Variants in PELI2 observed in about 807,000 individuals in gnomAD.
The protein encoded by PELI2 is E3 ubiquitin-protein ligase pellino homolog 2.
Under a neutral mutation model 42.3 loss-of-function variants are expected in PELI2, and 23 were observed. The observed-to-expected ratio is 0.54, with a 90% CI of 0.39 to 0.77. PELI2 has a LOEUF of 0.77. Among genes scored for constraint, PELI2 ranks in the 30% least tolerant of loss-of-function variants. The pLI, the probability that PELI2 is intolerant of heterozygous loss-of-function variation, is 0.00. For missense variants in PELI2, 463 were observed against 553.2 expected (o/e 0.84, Z 1.64); for synonymous variants, 245 against 212.2 (o/e 1.15, Z -1.34).
chr14:56,224,556 T>C (rs1274599661), intron 2 of PELI2, among the ~76,000 whole-genome samples: 2 of 152,240 alleles, frequency 1.3e-5, no homozygotes, highest in African/African-American at 2.4e-5. Context: ...TACAGTATAA[T>C]GTAAAGTGTT....
intron 2 of PELI2, among the ~76,000 whole-genome samples, chr14:56,253,653 T>C (rs1594686900): frequency 6.6e-6 from 1 of 152,116 alleles, no homozygotes; most frequent in African/African-American, 2.4e-5. Flanking sequence ...GGGATGTGAA[T>C]GATCTCTTCA....
intron 2 of PELI2, among the ~76,000 whole-genome samples, chr14:56,194,302 C>A (rs541802980): frequency 1.1e-3 from 174 of 152,304 alleles, no homozygotes; most frequent in African/African-American, 4.0e-3. Context: ...CTGTTGCCCT[C>A]TGAATCTCCT....
At chr14:56,141,853 G>A (rs1311400451) in intron 1 of PELI2, among the ~76,000 whole-genome samples, 1 of 152,174 alleles carries the variant, frequency 6.6e-6, no homozygotes, top group Non-Finnish European at 1.5e-5. Flanking sequence ...AACCGTATCA[G>A]ACCCTATTCC....
chr14:56,287,020 T>G (rs1363911746), intron 3 of PELI2, among the ~76,000 whole-genome samples: 1 of 152,242 alleles, frequency 6.6e-6, no homozygotes, highest in East Asian at 1.9e-4. Context: ...AATGTGGCCC[T>G]TCTAGAAAAG....
chr14:56,172,445 A>G (rs1885213373), intron 1 of PELI2, among the ~76,000 whole-genome samples: 1 of 152,146 alleles, frequency 6.6e-6, no homozygotes, highest in Non-Finnish European at 1.5e-5. Flanking sequence ...GCCAGCCCAG[A>G]TTTAGGGAGA....
intron 2 of PELI2, among the ~76,000 whole-genome samples, chr14:56,227,912 G>A (rs989325077): frequency 1.4e-4 from 22 of 152,318 alleles, no homozygotes; most frequent in African/African-American, 2.6e-4. Context: ...TATAAGCACC[G>A]AAGTAAATTT....
chr14:56,245,868 A>C (rs1888133802), intron 2 of PELI2, among the ~76,000 whole-genome samples: 2 of 152,194 alleles, frequency 1.3e-5, no homozygotes, highest in Admixed American at 1.3e-4. Flanking sequence ...AGATGATTTA[A>C]AGTATATGGG....
intron 2 of PELI2, among the ~76,000 whole-genome samples, chr14:56,208,984 C>G (rs1343669565): frequency 6.6e-6 from 1 of 152,206 alleles, no homozygotes; most frequent in South Asian, 2.1e-4. Flanking sequence ...GCTACCAAGA[C>G]TTGACAGTTC....
chr14:56,289,260 T>TGGTGGTTC (rs1184912894), intron 4 of PELI2, among the ~76,000 whole-genome samples: 1 of 152,172 alleles, frequency 6.6e-6, no homozygotes, highest in Non-Finnish European at 1.5e-5. Context: ...GCTCCAGGGT[T>TGGTGGTTC]GGTGGTTCAG....
At chr14:56,255,719 G>C (rs751932465) in intron 2 of PELI2, among the ~76,000 whole-genome samples, 1 of 152,154 alleles carries the variant, frequency 6.6e-6, no homozygotes, top group Non-Finnish European at 1.5e-5. Flanking sequence ...GATGTACGTA[G>C]GGCCCACAGA....
At chr14:56,121,285 C>G (rs1323694919) in intron 1 of PELI2, among the ~76,000 whole-genome samples, 1 of 148,684 alleles carries the variant, frequency 6.7e-6, no homozygotes, top group Non-Finnish European at 1.5e-5. Context: ...TGCTCACTTT[C>G]GAATGTCATA....
At chr14:56,239,639 T>C (rs956548654) in intron 2 of PELI2, among the ~76,000 whole-genome samples, 3 of 152,186 alleles carry the variant, frequency 2.0e-5, no homozygotes, top group Non-Finnish European at 4.4e-5. Flanking sequence ...ATCCTGTTTG[T>C]GGATATGCAT....
At chr14:56,120,092 A>G (rs77512050) in intron 1 of PELI2, among the ~76,000 whole-genome samples, 2,547 of 152,302 alleles carry the variant, frequency 0.017, 71 homozygotes, top group African/African-American at 0.058. Flanking sequence ...CTCATTACCT[A>G]TTTTGAAGCT....
intron 1 of PELI2, among the ~76,000 whole-genome samples, chr14:56,121,713 G>A (rs1365618612): frequency 6.6e-6 from 1 of 152,174 alleles, no homozygotes; most frequent in Non-Finnish European, 1.5e-5. Context: ...CTGGCTCTGT[G>A]ACTTTGGCTT....
intron 1 of PELI2, among the ~76,000 whole-genome samples, chr14:56,120,987 G>A (rs1378278157): frequency 6.6e-6 from 1 of 152,182 alleles, no homozygotes; most frequent in Non-Finnish European, 1.5e-5. Context: ...GACTAGGTAG[G>A]AAGATTTTTA....
At chr14:56,153,586 T>G (rs1320383354) in intron 1 of PELI2, among the ~76,000 whole-genome samples, 2 of 152,188 alleles carry the variant, frequency 1.3e-5, no homozygotes, top group African/African-American at 4.8e-5. Context: ...ATAAATTACA[T>G]GAGTTAAAAA....
intron 2 of PELI2, among the ~76,000 whole-genome samples, chr14:56,213,629 G>A (rs1886789127): frequency 6.6e-6 from 1 of 152,166 alleles, no homozygotes; most frequent in African/African-American, 2.4e-5. Flanking sequence ...GTTTTAGGAT[G>A]GAGGAAGCAA....
intron 2 of PELI2, among the ~76,000 whole-genome samples, chr14:56,257,825 TGAA>T (rs1364070235): frequency 6.6e-6 from 1 of 152,144 alleles, no homozygotes; most frequent in Non-Finnish European, 1.5e-5. Context: ...TGATCTGAGT[TGAA>T]GAGACAAAGA....
At chr14:56,172,900 G>A (rs904942770) in intron 1 of PELI2, among the ~76,000 whole-genome samples, 1 of 152,180 alleles carries the variant, frequency 6.6e-6, no homozygotes, top group South Asian at 2.1e-4. Context: ...GGTCTTTGGC[G>A]ATATAACTTT....
Sources: allele counts gnomAD v4.1 joint callset (sites outside exome capture counted in the v4.1 genomes callset), GRCh38; gene constraint gnomAD v4.1.1; transcripts MANE v1.5; gene names NCBI Gene and HGNC (gene_info 2026-07-23, HGNC 2026-07-21).